The following BAALC variants were observed in gnomAD, a reference collection of about 807,000 sequenced individuals.
BAALC encodes BAALC binder of MAP3K1 and KLF4, also known as brain and acute leukemia cytoplasmic protein.
In BAALC, 9 loss-of-function variants were observed where a neutral mutation model predicts 15.5. The observed-to-expected ratio is 0.58, with a 90% confidence interval of 0.35 to 1.02. The LOEUF (loss-of-function observed/expected upper bound fraction) is 1.02, where lower values mean the gene tolerates loss of function less well. BAALC is among the 50% of genes least tolerant of loss of function. The pLI is 0.02. For synonymous variants in BAALC, 80 were observed against 74.6 expected (o/e 1.07, Z -0.37); for missense variants, 201 against 192.4 (o/e 1.04, Z -0.27).
intron 1 of BAALC, among the ~76,000 whole-genome samples, chr8:103,171,764 G>A (rs1811499705): frequency 6.6e-6 from 1 of 152,318 alleles, no homozygotes; most frequent in Non-Finnish European, 1.5e-5. Flanking sequence ...TGTCTCCTTT[G>A]CATCTGTTTA....
At chr8:103,185,397 G>A (rs1811812041) in intron 1 of BAALC, among the ~76,000 whole-genome samples, 1 of 151,916 alleles carries the variant, frequency 6.6e-6, no homozygotes, top group African/African-American at 2.4e-5. Flanking sequence ...TCTTCTTTTG[G>A]ATTGTTCCTC....
intron 1 of BAALC, among the ~76,000 whole-genome samples, chr8:103,180,619 A>G (rs1811705674): frequency 1.3e-5 from 2 of 152,194 alleles, no homozygotes; most frequent in South Asian, 2.1e-4. Flanking sequence ...ACTGGAAAAC[A>G]GGGACCAGAA....
At chr8:103,141,669 A>T (rs1810782140) in intron 1 of BAALC, among the ~76,000 whole-genome samples, 1 of 152,222 alleles carries the variant, frequency 6.6e-6, no homozygotes. Flanking sequence ...CTAGTTCTGC[A>T]CTTTAGGTTA....
chr8:103,168,511 GTTTT>G (rs200573493), intron 1 of BAALC, among the ~76,000 whole-genome samples: 2 of 140,642 alleles, frequency 1.4e-5, no homozygotes, highest in South Asian at 2.3e-4. Context: ...ATATGTGTTT[GTTTT>G]TTTTTTTTTA....
At chr8:103,219,140 G>C (rs1812624369) in intron 2 of BAALC, among the ~76,000 whole-genome samples, 1 of 152,194 alleles carries the variant, frequency 6.6e-6, no homozygotes, top group Non-Finnish European at 1.5e-5. Flanking sequence ...ACAGAGATGT[G>C]CACCTACCTA....
intron 2 of BAALC, among the ~76,000 whole-genome samples, chr8:103,222,735 G>T (rs1812706059): frequency 6.6e-6 from 1 of 152,084 alleles, no homozygotes; most frequent in South Asian, 2.1e-4. Context: ...TTTGTTTACG[G>T]CTTGGAACTT....
intron 1 of BAALC, among the ~76,000 whole-genome samples, chr8:103,148,376 T>C (rs1417349623): frequency 1.3e-5 from 2 of 152,178 alleles, no homozygotes; most frequent in Admixed American, 6.5e-5. Flanking sequence ...CCTGCTGATA[T>C]CTTTTTTCAT....
chr8:103,143,639 A>G (rs1810828342), intron 1 of BAALC, among the ~76,000 whole-genome samples: 1 of 152,152 alleles, frequency 6.6e-6, no homozygotes, highest in Admixed American at 6.5e-5. Context: ...GCTCCCAAGA[A>G]TCCCTTCTTT....
At chr8:103,150,367 G>A (rs1349421421) in intron 1 of BAALC, among the ~76,000 whole-genome samples, 1 of 150,168 alleles carries the variant, frequency 6.7e-6, no homozygotes, top group Non-Finnish European at 1.5e-5. Context: ...GTGTCTGTGT[G>A]TATGGCTGGG....
intron 1 of BAALC, among the ~76,000 whole-genome samples, chr8:103,163,167 C>A (rs1372830639): frequency 6.6e-6 from 1 of 152,082 alleles, no homozygotes; most frequent in Non-Finnish European, 1.5e-5. Flanking sequence ...CCTACACCAC[C>A]ATTTCCCTTC....
intron 2 of BAALC, chr8:103,214,903 A>G (rs1812524790): frequency 6.6e-6 from 1 of 152,224 alleles, no homozygotes; most frequent in South Asian, 2.1e-4. Flanking sequence ...TGTATTGTCT[A>G]CTTTGCCTGT....
chr8:103,199,099 G>A (rs1259024696), intron 1 of BAALC, among the ~76,000 whole-genome samples: 2 of 152,084 alleles, frequency 1.3e-5, no homozygotes, highest in East Asian at 3.8e-4. Flanking sequence ...TTATTACAGT[G>A]GTGTAAAGAA....
At chr8:103,218,812 G>A (rs1812617032) in intron 2 of BAALC, among the ~76,000 whole-genome samples, 1 of 152,150 alleles carries the variant, frequency 6.6e-6, no homozygotes, top group Non-Finnish European at 1.5e-5. Context: ...CCCTCCCCCA[G>A]TGTCTGGTCA....
chr8:103,213,988 A>G (rs1812507245), intron 2 of BAALC, among the ~76,000 whole-genome samples: 1 of 152,216 alleles, frequency 6.6e-6, no homozygotes, highest in Non-Finnish European at 1.5e-5. Context: ...TGCCTCCACA[A>G]AGATAGGGTT....
intron 1 of BAALC, among the ~76,000 whole-genome samples, chr8:103,163,288 A>G (rs1406766472): frequency 1.3e-5 from 2 of 151,940 alleles, no homozygotes; most frequent in Non-Finnish European, 2.9e-5. Context: ...CTCTTCTCTT[A>G]TCCAGCAGGC....
chr8:103,196,447 A>T (rs539334732), intron 1 of BAALC, among the ~76,000 whole-genome samples: 3 of 151,956 alleles, frequency 2.0e-5, no homozygotes, highest in South Asian at 2.1e-4. Flanking sequence ...TGCCTGGCTA[A>T]TTTTTTTATT....
intron 1 of BAALC, among the ~76,000 whole-genome samples, chr8:103,144,947 C>T (rs1810849227): frequency 6.6e-6 from 1 of 152,172 alleles, no homozygotes; most frequent in African/African-American, 2.4e-5. Flanking sequence ...GGAACTATAG[C>T]CACCCTCCTT....
chr8:103,198,139 A>G (rs62528474), intron 1 of BAALC: 52,420 of 701,664 alleles, frequency 0.075, 2,544 homozygotes, highest in Non-Finnish European at 0.1. Flanking sequence ...CCCTACAGAA[A>G]GTTGGGCATC....
intron 1 of BAALC, among the ~76,000 whole-genome samples, chr8:103,196,822 T>C (rs1009736821): frequency 2.0e-5 from 3 of 152,192 alleles, no homozygotes; most frequent in African/African-American, 7.2e-5. Flanking sequence ...AGCTGCTGAG[T>C]GCAGAAAATG....
Sources: gnomAD v4.1 joint callset for allele counts (sites outside exome capture counted in the v4.1 genomes callset) on GRCh38, gnomAD v4.1.1 for gene constraint, MANE v1.5 for transcripts, NCBI Gene and HGNC (gene_info 2026-07-23, HGNC 2026-07-21) for gene names.